Variants in RO60 observed in about 807,000 individuals in gnomAD.
RO60 encodes the protein RNA-binding protein RO60.
Under a neutral mutation model 55.3 loss-of-function variants are expected in RO60, and 20 were observed. That is an observed-to-expected ratio of 0.36 (90% confidence interval 0.25 to 0.53). The LOEUF is 0.53. Ranked by LOEUF, RO60 falls within the 20% of genes least tolerant of loss-of-function variation. The probability of loss-of-function intolerance (pLI) is 0.92; values close to 1 mark genes in which losing one functional copy is unlikely to be tolerated. For synonymous variants in RO60, 213 were observed against 213.6 expected (o/e 1.00, Z 0.02); for missense variants, 558 against 646.6 (o/e 0.86, Z 1.49).
At chr1:193,076,423 A>G in intron 3 of RO60, 78 bp from the exon 4 acceptor site, 1 of 1,455,240 alleles carries the variant, frequency 6.9e-7, no homozygotes, top group South Asian at 1.3e-5. Flanking sequence ...TGTATTATGA[A>G]TATTTTTTTA....
chr1:193,069,775 A>G, intron 2 of RO60, 141 bp downstream of exon 2: 1 of 683,608 alleles, frequency 1.5e-6, no homozygotes, highest in Non-Finnish European at 2.4e-6. Flanking sequence ...ATTCAAATAT[A>G]TTTAATGCCT....
intron 2 of RO60, among the ~76,000 whole-genome samples, chr1:193,071,350 G>A (rs1673482624): frequency 6.6e-6 from 1 of 152,128 alleles, no homozygotes; most frequent in African/African-American, 2.4e-5. Flanking sequence ...ATATTACTGT[G>A]TTTCACTAAA....
rs566458362 is a variant in RO60 at position 193,074,810 on chromosome 1, C to T, written c.581-1010C>T. On this transcript the variant is annotated intron_variant, in intron 2 of 8. Coordinates refer to ENST00000400968, the MANE Select transcript of RO60 (RefSeq NM_001173524.2). ...GTTTTAGACATGAAGTCCTTGCCCA[C>T]GCCTATGTCCTGAATGGTATTGCCT... Among the ~76,000 whole-genome samples, 202 of 152,268 alleles carry T rather than the reference C, an allele frequency of 1.3e-3. 2 individuals carry two copies. The highest frequency in any genetic ancestry group is 8.7e-3 in the Admixed American group (133 of 15,288).
At position 193,059,802 on chromosome 1, in the gene RO60, G is replaced by C. The variant is rs897466973; in HGVS notation, c.-22+26G>C. On this transcript the variant is annotated intron_variant, in intron 1 of 8. Transcript: ENST00000400968. The surrounding 1 kb of genome is among the most constrained non-coding windows in gnomAD (Gnocchi z 4.9). ...GTGAGGACATTGCGGGAGGCCGGCT[G>C]GGAGCCTTTTGTGCGGCCCCAGGGA... is the stretch of plus-strand genomic sequence containing the variant. 22 of 1,356,782 alleles carry C rather than the reference G, an allele frequency of 1.6e-5. No homozygotes were observed. Among genetic ancestry groups the C allele is most frequent in the Non-Finnish European group, 2.1e-5 (21 of 1,017,456 alleles). The allele number at this position is 1,356,782 out of a possible 1,614,324, so 84.0% of individuals were successfully genotyped here.
chr1:193,059,641 C>A lies in RO60; in HGVS notation c.-157C>A. On this transcript the variant is annotated 5_prime_UTR_variant, in exon 1 of 9. Coordinates refer to ENST00000400968, the MANE Select transcript of RO60 (RefSeq NM_001173524.2). This position sits in a 1 kb window ranked among gnomAD's most constrained non-coding sequence, Gnocchi z 4.9. ...GTTCCCGGGAACCGAACCTGGAATC[C>A]CCGGCGGCAGTGGGGCTGTTGCTGT... The A allele has an allele frequency of 7.2e-7, 1 of 1,393,712 alleles. No individual in the cohort carries two copies. Among genetic ancestry groups the A allele is most frequent in the East Asian group, 4.1e-5 (1 of 24,134 alleles). The allele number at this position is 1,393,712 out of a possible 1,614,324, so 86.3% of individuals were successfully genotyped here. A position where few individuals can be genotyped will look rare whatever the true frequency, so the allele number is the denominator to read the frequency against.
intron 1 of RO60, among the ~76,000 whole-genome samples, chr1:193,067,229 A>AGGCTG (rs1424825352): frequency 7.9e-6 from 1 of 125,890 alleles, no homozygotes; most frequent in Non-Finnish European, 1.6e-5. Context: ...TCTGTCCCCC[A>AGGCTG]GGCTGGAGTG....
chr1:193,074,496 A>ATAT (rs1207811741), intron 2 of RO60, among the ~76,000 whole-genome samples: 13 of 152,178 alleles, frequency 8.5e-5, no homozygotes, highest in African/African-American at 2.7e-4. Flanking sequence ...AGTGATGATG[A>ATAT]GCATGTTTTC....
At position 193,085,140 on chromosome 1, in the gene RO60, A is replaced by G; in HGVS notation, c.*409A>G. 7.2e-7 allele frequency: 1 copy of G among 1,391,358 alleles called. No individual in the cohort carries two copies. Among genetic ancestry groups the G allele is most frequent in the South Asian group, 1.7e-5 (1 of 57,618 alleles). 86.2% of individuals were successfully genotyped at this position (1,391,358 alleles called of 1,614,324 possible). ...GAAAGGACAGCTTTGATAATGTCCA[A>G]ATACTCTGAAATGCACTAGACCATA... On this transcript the variant is annotated 3_prime_UTR_variant, in exon 9 of 9. Transcript: ENST00000400968.
chr1:193,086,143 A>C lies in RO60; in HGVS notation c.*1412A>C, dbSNP rs1239173582. 1 of 657,314 alleles carries C rather than the reference A, an allele frequency of 1.5e-6. No homozygotes were observed. The highest frequency in any genetic ancestry group is 2.0e-5 in the African/African-American group (1 of 50,348). 40.7% of individuals were successfully genotyped at this position (657,314 alleles called of 1,614,324 possible). ...GAAAAGTCAAACTGTAGTTAATGTA[A>C]ATTATAGCCTTTTAGGTGCTTGGGG... On this transcript the variant is annotated 3_prime_UTR_variant, in exon 9 of 9. Transcript: ENST00000400968.
chr1:193,076,746 T>C, intron 4 of RO60, 99 bp downstream of exon 4: 1 of 1,376,774 alleles, frequency 7.3e-7, no homozygotes, highest in Non-Finnish European at 9.9e-7. Flanking sequence ...TATTTCGAGA[T>C]GTTCATTATA....
rs182431335 is a variant in RO60 at position 193,069,230 on chromosome 1, A to G, written c.176A>G (p.Glu59Gly). ...KEQKLGLENA[E>G]ALIRLIEDGR... Reference sequence around the variant, plus strand: ...CAGAAGTTGGGCCTTGAAAATGCTGAAGCTTTAATTAGATTGATTGAAGAT... The same window carrying G: ...CAGAAGTTGGGCCTTGAAAATGCTGGAGCTTTAATTAGATTGATTGAAGAT... Residue 59 changes from glutamate (E) to glycine (G), a missense_variant, in exon 2 of 9, where the codon GAA becomes GGA. Glu to Gly is a moderately conservative substitution (Grantham distance 98, BLOSUM62 -2). Transcript: ENST00000400968. 1.7e-3 allele frequency: 2,777 copies of G among 1,614,248 alleles called. 6 individuals carry two copies. Among genetic ancestry groups the G allele is most frequent in the Middle Eastern group, 9.2e-3 (56 of 6,062 alleles).
downstream of RO60, chr1:193,091,769 C>T (rs570185316): frequency 8.8e-7 from 1 of 1,137,176 alleles, no homozygotes; most frequent in Non-Finnish European, 1.3e-6. Context: ...AAACTCTATG[C>T]ACATTAAACA....
In RO60 at chr1:193,070,822, T is replaced by C. The variant is rs180773357; in HGVS notation, c.580+1188T>C. Among the ~76,000 whole-genome samples the C allele has an allele frequency of 2.0e-3, 299 of 152,354 alleles. 5 individuals carry two copies. Among genetic ancestry groups the C allele is most frequent in the African/African-American group, 6.8e-3 (284 of 41,586 alleles). ...TTATTTTTTAACTATAACTGGGGTT[T>C]TTCAAATGAAATGTAAATAATAAAT... On this transcript the variant is annotated intron_variant, in intron 2 of 8. Coordinates refer to ENST00000400968, the MANE Select transcript of RO60 (RefSeq NM_001173524.2).
In RO60 at chr1:193,081,370, G is replaced by T. The variant is rs1380131379; in HGVS notation, c.1093G>T (p.Glu365Ter). ...AAFYKTFKTV[E>*]PTGKRFLLAV... ...TGTTTTGTTTTCTCTGTAGACAGTT[G>T]AACCAACTGGAAAACGTTTCTTACT... The change falls in exon 6 of 9, where the codon GAA (glutamate) becomes TAA (stop). Residue 365 changes from glutamate to a stop codon, truncating the protein, a stop_gained. Coordinates refer to ENST00000400968, the MANE Select transcript of RO60 (RefSeq NM_001173524.2). LOFTEE classifies it high-confidence loss of function. The T allele has an allele frequency of 6.3e-7, 1 of 1,595,734 alleles. No homozygotes were observed. Among genetic ancestry groups the T allele is most frequent in the African/African-American group, 1.3e-5 (1 of 74,582 alleles).
chr1:193,069,287 AGTC>A lies in RO60; in HGVS notation c.234_236del (p.Ser79del), dbSNP rs1673322539. 1 of 1,614,118 alleles carries A rather than the reference AGTC, an allele frequency of 6.2e-7. No homozygotes were observed. Among genetic ancestry groups the A allele is most frequent in the African/African-American group, 1.3e-5 (1 of 74,934 alleles). ...GGATGTGAAGTGATACAAGAAATAA[AGTC>A]ATTTAGTCAAGAAGGCAGAACCACA... On this transcript the variant is annotated inframe_deletion, in exon 2 of 9. Coordinates refer to ENST00000400968, the MANE Select transcript of RO60 (RefSeq NM_001173524.2).
chr1:193,086,316 GAT>G lies in RO60; in HGVS notation c.*1588_*1589del, dbSNP rs1227942158. On this transcript the variant is annotated 3_prime_UTR_variant, in exon 9 of 9. Transcript: ENST00000400968. ...TATTTGACATATTAATGCTGGTTTT[GAT>G]ATGTACCCATTCCTTCAAGGCAACT... 1 of 152,154 alleles carries G rather than the reference GAT, an allele frequency of 6.6e-6. No individual in the cohort carries two copies. Among genetic ancestry groups the G allele is most frequent in the Non-Finnish European group, 1.5e-5 (1 of 68,106 alleles). The allele number at this position is 152,154 out of a possible 1,614,324, so 9.4% of individuals were successfully genotyped here. A position where few individuals can be genotyped will look rare whatever the true frequency, so the allele number is the denominator to read the frequency against.
intron 8 of RO60, among the ~76,000 whole-genome samples, chr1:193,082,982 C>T (rs933193740): frequency 4.6e-5 from 7 of 151,996 alleles, no homozygotes; most frequent in Non-Finnish European, 8.8e-5. Context: ...GTCTCAAACT[C>T]CTAGGCTCAA....
rs116164283 is a variant in RO60 at position 193,085,713 on chromosome 1, A to T, written c.*982A>T. 8.7e-4 allele frequency: 856 copies of T among 981,802 alleles called. 8 individuals are homozygous for T. The African/African-American group carries it at 0.014, about 16-fold the overall frequency. 60.8% of individuals were successfully genotyped at this position (981,802 alleles called of 1,614,324 possible). A position where few individuals can be genotyped will look rare whatever the true frequency, so the allele number is the denominator to read the frequency against. On this transcript the variant is annotated 3_prime_UTR_variant, in exon 9 of 9. Coordinates refer to ENST00000400968, the MANE Select transcript of RO60 (RefSeq NM_001173524.2). ...AACTATTTTTTTAGTTAATATTTTT[A>T]AAAGTATACATGTCAATGGCCTCTT...
At position 193,076,633 on chromosome 1, in the gene RO60, A is replaced by G. The variant is rs1362929515; in HGVS notation, c.934A>G (p.Lys312Glu). The G allele has an allele frequency of 6.2e-7, 1 of 1,600,452 alleles. No homozygotes were observed. Among genetic ancestry groups the G allele is most frequent in the East Asian group, 2.2e-5 (1 of 44,582 alleles). ...SLVCEKLCNEKLLKKARIHPF... is the reference protein window; with the variant it reads ...SLVCEKLCNEELLKKARIHPF... ...AGTATGTGAAAAACTGTGTAATGAA[A>G]AACTATTAAAAAAGGTAAGCATTAT... The change falls in exon 4 of 9, where the codon AAA (lysine) becomes GAA (glutamate). Residue 312 changes from lysine to glutamate, a missense_variant. Coordinates refer to ENST00000400968, the MANE Select transcript of RO60 (RefSeq NM_001173524.2).
Sources: gnomAD v4.1 joint callset for allele counts (sites outside exome capture counted in the v4.1 genomes callset) on GRCh38, gnomAD v4.1.1 for gene constraint, Gnocchi (gnomAD v3.1) non-coding constraint, MANE v1.5 for transcripts, NCBI Gene and HGNC (gene_info 2026-07-23, HGNC 2026-07-21) for gene names.